Variants in SLC5A4 observed in about 807,000 individuals in gnomAD.
SLC5A4 encodes solute carrier family 5 member 4, also known as probable glucose sensor protein SLC5A4.
SLC5A4 carries 55 observed loss-of-function variants against 70.3 expected under a neutral mutation model. The observed-to-expected ratio is 0.78, with a 90% CI of 0.63 to 0.98. The LOEUF (loss-of-function observed/expected upper bound fraction) is 0.98, where lower values mean the gene tolerates loss of function less well. Among genes scored for constraint, SLC5A4 ranks in the 50% least tolerant of loss-of-function variants. The pLI is 0.00. For missense variants in SLC5A4, 735 were observed against 839.2 expected (o/e 0.88, Z 1.53); for synonymous variants, 268 against 305.7 (o/e 0.88, Z 1.29).
At chr22:32,323,715 G>C in the SLC5A4 span, among the ~76,000 whole-genome samples, 3 of 152,216 alleles carry the variant, frequency 2.0e-5, no homozygotes, top group Non-Finnish European at 4.4e-5. Flanking sequence ...CCCAGGAATG[G>C]TAAGCTCACT....
chr22:32,255,653 CAAG>C (rs1188777908), upstream of SLC5A4, among the ~76,000 whole-genome samples: 1 of 152,028 alleles, frequency 6.6e-6, no homozygotes, highest in Non-Finnish European at 1.5e-5. Flanking sequence ...TGAAGACAGA[CAAG>C]GAGGGGAGAA....
At chr22:32,294,661 T>C in the SLC5A4 span, among the ~76,000 whole-genome samples, 2 of 95,090 alleles carry the variant, frequency 2.1e-5, no homozygotes, top group Non-Finnish European at 4.4e-5. Context: ...ACAATGGTGG[T>C]TGGCTTTTTC....
At chr22:32,278,628 G>T in the SLC5A4 span, among the ~76,000 whole-genome samples, 1 of 152,152 alleles carries the variant, frequency 6.6e-6, no homozygotes, top group Non-Finnish European at 1.5e-5. Context: ...ACTGTGACGT[G>T]TGTAAGATTT....
intron 2 of SLC5A4, among the ~76,000 whole-genome samples, chr22:32,252,670 C>G (rs982981575): frequency 2.6e-5 from 4 of 152,184 alleles, no homozygotes; most frequent in South Asian, 2.1e-4. Flanking sequence ...CTAAAATGCT[C>G]TGAGTTGAGC....
chr22:32,234,358 G>C (rs567229043), intron 8 of SLC5A4, among the ~76,000 whole-genome samples: 8 of 152,294 alleles, frequency 5.3e-5, no homozygotes, highest in African/African-American at 1.7e-4. Flanking sequence ...AGGGTGGAAA[G>C]CAGGGCACCA....
chr22:32,239,919 G>A (rs1215000960), intron 5 of SLC5A4, among the ~76,000 whole-genome samples: 1 of 149,616 alleles, frequency 6.7e-6, no homozygotes, highest in Non-Finnish European at 1.5e-5. Flanking sequence ...AGCTACTCGG[G>A]AGGCTGAGGC....
the SLC5A4 span, among the ~76,000 whole-genome samples, chr22:32,313,881 G>A: frequency 3.3e-5 from 5 of 152,204 alleles, no homozygotes; most frequent in South Asian, 2.1e-4. Flanking sequence ...CACAGGTGGA[G>A]TAGAAGGCAG....
chr22:32,220,389 T>C (rs979856488), intron 14 of SLC5A4, among the ~76,000 whole-genome samples: 2 of 152,148 alleles, frequency 1.3e-5, no homozygotes, highest in Admixed American at 6.5e-5. Context: ...TAAAAAACAT[T>C]AGGTAAACAA....
At chr22:32,347,390 A>G in the SLC5A4 span, among the ~76,000 whole-genome samples, 1 of 152,184 alleles carries the variant, frequency 6.6e-6, no homozygotes, top group African/African-American at 2.4e-5. Flanking sequence ...ATGCTGCTAT[A>G]AAGACACATG....
At chr22:32,319,163 C>G in the SLC5A4 span, among the ~76,000 whole-genome samples, 1 of 152,186 alleles carries the variant, frequency 6.6e-6, no homozygotes, top group Non-Finnish European at 1.5e-5. Flanking sequence ...ATTGGCTCTC[C>G]TGGCTCTCAG....
the SLC5A4 span, among the ~76,000 whole-genome samples, chr22:32,316,934 C>CTGTGTG: frequency 0.18 from 26,674 of 148,610 alleles, 2,472 homozygotes; most frequent in East Asian, 0.3. Context: ...ATTAACAACT[C>CTGTGTG]TGTGTGTGTG....
chr22:32,305,245 T>C, the SLC5A4 span, among the ~76,000 whole-genome samples: 4 of 152,140 alleles, frequency 2.6e-5, no homozygotes, highest in African/African-American at 7.2e-5. Context: ...TGTGATTTTA[T>C]GTATTTGGAG....
the SLC5A4 span, among the ~76,000 whole-genome samples, chr22:32,326,800 G>C: frequency 6.6e-6 from 1 of 152,174 alleles, no homozygotes; most frequent in Non-Finnish European, 1.5e-5. Flanking sequence ...TGCCATCACA[G>C]GGTCCTAAGT....
chr22:32,325,425 G>T, the SLC5A4 span, among the ~76,000 whole-genome samples: 1 of 152,226 alleles, frequency 6.6e-6, no homozygotes, highest in South Asian at 2.1e-4. Flanking sequence ...GACAAGGTTT[G>T]TTGGGACGAC....
chr22:32,347,307 C>T, the SLC5A4 span, among the ~76,000 whole-genome samples: 5 of 151,742 alleles, frequency 3.3e-5, no homozygotes, highest in African/African-American at 9.7e-5. Flanking sequence ...AGATTCCTCA[C>T]GGATCTAGAA....
At chr22:32,309,344 C>T in the SLC5A4 span, among the ~76,000 whole-genome samples, 1 of 152,168 alleles carries the variant, frequency 6.6e-6, no homozygotes, top group African/African-American at 2.4e-5. Flanking sequence ...ATGCAGATTC[C>T]TCTGTGGACA....
At chr22:32,221,963 G>A (rs1033724369) in intron 13 of SLC5A4, among the ~76,000 whole-genome samples, 1 of 152,094 alleles carries the variant, frequency 6.6e-6, no homozygotes, top group Non-Finnish European at 1.5e-5. Context: ...TATGTTTTTG[G>A]CCAGGCTGGT....
chr22:32,339,897 C>G, the SLC5A4 span, among the ~76,000 whole-genome samples: 1,270 of 152,316 alleles, frequency 8.3e-3, 15 homozygotes, highest in African/African-American at 0.029. Flanking sequence ...CAGGTGCTTT[C>G]GGGGACCCCC....
the SLC5A4 span, among the ~76,000 whole-genome samples, chr22:32,309,907 C>G: frequency 1.3e-5 from 2 of 148,892 alleles, no homozygotes; most frequent in Non-Finnish European, 3.0e-5. Flanking sequence ...TGCTGGGTCT[C>G]GGTGATCTCT....
Sources: allele counts gnomAD v4.1 joint callset (sites outside exome capture counted in the v4.1 genomes callset), GRCh38; gene constraint gnomAD v4.1.1; transcripts MANE v1.5; gene names NCBI Gene and HGNC (gene_info 2026-07-23, HGNC 2026-07-21).